LRRC3B: variants seen among roughly 807,000 people sequenced by gnomAD.
LRRC3B encodes the protein leucine rich repeat containing 3B.
In LRRC3B, 2 loss-of-function variants were observed where a neutral mutation model predicts 12.8. The ratio of observed to expected loss-of-function variants is 0.16; its 90% CI spans 0.06 to 0.49. The LOEUF (loss-of-function observed/expected upper bound fraction) is 0.49. Among genes scored for constraint, LRRC3B ranks in the 20% least tolerant of loss-of-function variants. The pLI, the probability that LRRC3B is intolerant of heterozygous loss-of-function variation, is 0.96. For missense variants in LRRC3B, 189 were observed against 319.4 expected (o/e 0.59, Z 3.11); for synonymous variants, 132 against 122.0 (o/e 1.08, Z -0.54).
chr3:26,664,516 AG>A (rs1264346581), intron 1 of LRRC3B, among the ~76,000 whole-genome samples: 3 of 152,110 alleles, frequency 2.0e-5, no homozygotes, highest in Non-Finnish European at 4.4e-5. Flanking sequence ...AATAAAGTTG[AG>A]GTTTTCATGA....
At chr3:26,694,061 G>GCAA (rs1332561776) in intron 1 of LRRC3B, among the ~76,000 whole-genome samples, 2 of 152,126 alleles carry the variant, frequency 1.3e-5, no homozygotes, top group African/African-American at 4.8e-5. Context: ...GTAATATTAT[G>GCAA]CAACTTGACA....
chr3:26,682,172 C>T (rs941649955), intron 1 of LRRC3B, among the ~76,000 whole-genome samples: 1 of 152,154 alleles, frequency 6.6e-6, no homozygotes, highest in East Asian at 1.9e-4. Context: ...AGCAAAACCG[C>T]GAATAAGAGG....
At chr3:26,694,198 T>C (rs1700253391) in intron 1 of LRRC3B, among the ~76,000 whole-genome samples, 1 of 152,212 alleles carries the variant, frequency 6.6e-6, no homozygotes, top group Non-Finnish European at 1.5e-5. Context: ...TTAAATGTTG[T>C]GCATTTCAAT....
chr3:26,700,246 G>T (rs192147101), intron 1 of LRRC3B, among the ~76,000 whole-genome samples: 1 of 152,248 alleles, frequency 6.6e-6, no homozygotes, highest in African/African-American at 2.4e-5. Flanking sequence ...AAAAGGGGTT[G>T]TCTCCCTCTT....
chr3:26,639,492 TA>T (rs199927667), intron 1 of LRRC3B, among the ~76,000 whole-genome samples: 1 of 104,112 alleles, frequency 9.6e-6, no homozygotes, highest in Non-Finnish European at 1.7e-5. Flanking sequence ...AAATTTAAAT[TA>T]AATTTAAATT....
At chr3:26,632,487 T>G (rs891248759) in intron 1 of LRRC3B, among the ~76,000 whole-genome samples, 56 of 152,136 alleles carry the variant, frequency 3.7e-4, no homozygotes, top group African/African-American at 1.2e-3. Context: ...TTGGGACTTC[T>G]GAACAGAAGC....
intron 1 of LRRC3B, among the ~76,000 whole-genome samples, chr3:26,658,753 G>A (rs1169476799): frequency 6.6e-6 from 1 of 152,208 alleles, no homozygotes; most frequent in Admixed American, 6.5e-5. Context: ...TTTACAAAGT[G>A]CCACCTCTAG....
intron 1 of LRRC3B, among the ~76,000 whole-genome samples, chr3:26,654,918 A>T (rs1010735470): frequency 1.3e-5 from 2 of 152,190 alleles, no homozygotes; most frequent in African/African-American, 4.8e-5. Flanking sequence ...GCATTTCCTA[A>T]CTTGAGTCAT....
At chr3:26,676,009 A>C (rs1699851805) in intron 1 of LRRC3B, among the ~76,000 whole-genome samples, 1 of 150,756 alleles carries the variant, frequency 6.6e-6, no homozygotes, top group Admixed American at 6.6e-5. Context: ...TATTTTCATG[A>C]CATTAACGTT....
At chr3:26,699,663 A>G (rs905511349) in intron 1 of LRRC3B, among the ~76,000 whole-genome samples, 1 of 152,196 alleles carries the variant, frequency 6.6e-6, no homozygotes, top group African/African-American at 2.4e-5. Flanking sequence ...TTCTAAAGGA[A>G]GCTTTCAAGT....
chr3:26,709,853 G>A (rs374191641), exon 2 of LRRC3B: 27 of 1,613,990 alleles, frequency 1.7e-5, no homozygotes, highest in Non-Finnish European at 1.9e-5. Flanking sequence ...AATACCTAGA[G>A]ATCTTCCTCC....
chr3:26,634,253 G>C (rs1044867745), intron 1 of LRRC3B, among the ~76,000 whole-genome samples: 1 of 152,204 alleles, frequency 6.6e-6, no homozygotes, highest in African/African-American at 2.4e-5. Flanking sequence ...GGATGATGGA[G>C]ATGAAAACCC....
intron 1 of LRRC3B, among the ~76,000 whole-genome samples, chr3:26,690,176 A>T (rs1211992278): frequency 1.3e-5 from 2 of 152,204 alleles, no homozygotes; most frequent in Non-Finnish European, 2.9e-5. Context: ...ATGATTCTTG[A>T]AACTACCTCA....
At chr3:26,691,105 G>GTGTGTGTATATATA (rs372629683) in intron 1 of LRRC3B, among the ~76,000 whole-genome samples, 12 of 84,826 alleles carry the variant, frequency 1.4e-4, no homozygotes, top group Admixed American at 6.2e-4. Flanking sequence ...GTGTGTGTGT[G>GTGTGTGTATATATA]TATATATATA....
intron 1 of LRRC3B, among the ~76,000 whole-genome samples, chr3:26,695,822 A>G (rs937794552): frequency 6.6e-6 from 1 of 152,238 alleles, no homozygotes; most frequent in African/African-American, 2.4e-5. Flanking sequence ...GGACTGAGAC[A>G]ATGGTTCTCA....
chr3:26,699,182 T>A (rs1700392417), intron 1 of LRRC3B, among the ~76,000 whole-genome samples: 1 of 152,190 alleles, frequency 6.6e-6, no homozygotes, highest in African/African-American at 2.4e-5. Flanking sequence ...GCATGAATAC[T>A]GTATGTGATG....
intron 1 of LRRC3B, among the ~76,000 whole-genome samples, chr3:26,657,854 C>A (rs1297027251): frequency 6.6e-6 from 1 of 152,108 alleles, no homozygotes; most frequent in Non-Finnish European, 1.5e-5. Context: ...TGAGATGACT[C>A]ACTCTTATTT....
At chr3:26,685,507 CTCTCTCTCTCTCTCTCTATATATA>C (rs1265424495) in intron 1 of LRRC3B, among the ~76,000 whole-genome samples, 4 of 50,042 alleles carry the variant, frequency 8.0e-5, no homozygotes, top group Admixed American at 2.6e-4. Flanking sequence ...CTCTCTCTCT[CTCTCTCTCTCTCTCTCTATATATA>C]TATATATATA....
chr3:26,702,441 A>G (rs1700477325), intron 1 of LRRC3B, among the ~76,000 whole-genome samples: 1 of 152,094 alleles, frequency 6.6e-6, no homozygotes, highest in Admixed American at 6.6e-5. Context: ...ATTTTAAATC[A>G]GGAAAGCTAT....
Sources: allele counts gnomAD v4.1 joint callset (sites outside exome capture counted in the v4.1 genomes callset), GRCh38; gene constraint gnomAD v4.1.1; transcripts MANE v1.5; gene names NCBI Gene and HGNC (gene_info 2026-07-23, HGNC 2026-07-21).